The following DISP3 variants were observed in gnomAD, a reference collection of about 807,000 sequenced individuals.
DISP3 encodes protein dispatched homolog 3.
A neutral mutation model predicts 135.3 loss-of-function variants in DISP3; 101 were observed. That is an observed-to-expected ratio of 0.75 (90% CI 0.64 to 0.88). The LOEUF (loss-of-function observed/expected upper bound fraction) is 0.88. Ranked by LOEUF, DISP3 falls within the 40% of genes least tolerant of loss-of-function variation. The probability of loss-of-function intolerance (pLI) is 0.00; values close to 1 mark genes in which losing one functional copy is unlikely to be tolerated. For missense variants in DISP3, 1,713 were observed against 1,878.6 expected (o/e 0.91, Z 1.63); for synonymous variants, 856 against 817.0 (o/e 1.05, Z -0.81).
rs2100469085 is a variant in DISP3, at chr1:11,519,953, C to A, written c.2200+73C>A. 6.9e-7 allele frequency: 1 copy of A among 1,456,512 alleles called. No individual in the cohort carries two copies. The highest frequency in any genetic ancestry group is 1.4e-5 in the African/African-American group (1 of 71,498). The allele number at this position is 1,456,512 out of a possible 1,614,324, so 90.2% of individuals were successfully genotyped here. On this transcript the variant is annotated intron_variant, in intron 9 of 20. Transcript: ENST00000294484. The surrounding 1 kb of genome is among the most constrained non-coding windows in gnomAD (Gnocchi z 4.3). The stretch of plus-strand genomic sequence containing the variant: ...AAAACACACAGGAACTGGGAGCCCA[C>A]CCCCTCTCGCAGATGCCCCAGGGTC...
At chr1:11,486,967 C>T (rs1641054311) in intron 1 of DISP3, among the ~76,000 whole-genome samples, 1 of 152,166 alleles carries the variant, frequency 6.6e-6, no homozygotes, top group Admixed American at 6.5e-5. Context: ...GTGTTAGCCA[C>T]CACACCCAGC....
intron 3 of DISP3, among the ~76,000 whole-genome samples, chr1:11,513,918 T>C (rs1428241170): frequency 6.6e-6 from 1 of 151,612 alleles, no homozygotes; most frequent in Non-Finnish European, 1.5e-5. Context: ...ATGTTTGTAT[T>C]TTAAGACACA....
chr1:11,520,804 A>C lies in DISP3; in HGVS notation c.2318A>C (p.Lys773Thr). The part of the protein sequence containing the change: ...DTNIQVLLDL[K>T]YNLSAEGISC... ...AACATCCAGGTGCTGCTGGACCTCA[A>C]GTACAACCTGAGCGCCGAGGGCATC... The change falls in exon 10 of 21, where the codon AAG (lysine) becomes ACG (threonine). Residue 773 changes from lysine to threonine, a missense_variant. Transcript: ENST00000294484. The surrounding 1 kb of genome is among the most constrained non-coding windows in gnomAD (Gnocchi z 4.8). 3.1e-6 allele frequency: 5 copies of C among 1,613,172 alleles called. No individual in the cohort carries two copies. Among genetic ancestry groups the C allele is most frequent in the Non-Finnish European group, 4.2e-6 (5 of 1,179,878 alleles).
Position 11,517,338 on chromosome 1 carries a change from T to G in DISP3, c.1750-125T>G, listed in dbSNP as rs1220848802. ...GCCTGGCATTCTGGCAGCCTGGGCC[T>G]CCTCCTACTGCCTCAGTCTGGGCCA... On this transcript the variant is annotated intron_variant, in intron 6 of 20. Transcript: ENST00000294484. 66 of 1,295,354 alleles carry G rather than the reference T, an allele frequency of 5.1e-5. 2 individuals are homozygous for G. The South Asian group carries it at 8.1e-4, about 16-fold the overall frequency. The allele number at this position is 1,295,354 out of a possible 1,614,324, so 80.2% of individuals were successfully genotyped here.
chr1:11,492,047 G>A (rs1054167830), intron 1 of DISP3, among the ~76,000 whole-genome samples: 3 of 148,222 alleles, frequency 2.0e-5, no homozygotes, highest in Non-Finnish European at 4.5e-5. Context: ...GCGTGAACCC[G>A]GGAGGCGGAG....
At position 11,523,930 on chromosome 1, in the gene DISP3, G is replaced by A. The variant is rs150735726; in HGVS notation, c.2363-12G>A. 1.1e-5 allele frequency: 18 copies of A among 1,605,176 alleles called. No individual in the cohort carries two copies. The East Asian group carries it at 2.0e-4, about 18-fold the overall frequency. Reference sequence around the variant, plus strand: ...GCTGTCCTGCTGTCCTTGACATGGCGCTGGGGGGCAGGTCTGTTCCAGGAG... The same window carrying A: ...GCTGTCCTGCTGTCCTTGACATGGCACTGGGGGGCAGGTCTGTTCCAGGAG... On this transcript the variant is annotated splice_polypyrimidine_tract_variant and intron_variant, in intron 10 of 20. Coordinates refer to ENST00000294484, the MANE Select transcript of DISP3 (RefSeq NM_020780.2).
chr1:11,531,615 C>G lies in DISP3; in HGVS notation c.3280C>G (p.Leu1094Val). The change falls in exon 17 of 21, where the codon CTG becomes GTG. Residue 1094 changes from leucine (L) to valine (V), a missense_variant. Physicochemically the swap from Leu to Val is conservative, Grantham distance 32. This residue lies in a region of DISP3 where 1,142 missense variants were observed against 1,384.6 expected (regional missense o/e 0.82). Coordinates refer to ENST00000294484, the MANE Select transcript of DISP3 (RefSeq NM_020780.2). This position sits in a 1 kb window ranked among gnomAD's most constrained non-coding sequence, Gnocchi z 5.2. ...LQMLHPECKE[L>V]PEPNLLPGQL... ...GATGTTGCACCCTGAGTGCAAGGAG[C>G]TGCCCGAGCCCAACCTGCTCCCGGG... 1.1e-5 allele frequency: 18 copies of G among 1,613,550 alleles called. No individual in the cohort carries two copies. The highest frequency in any genetic ancestry group is 1.5e-5 in the Non-Finnish European group (18 of 1,179,938).
chr1:11,501,065 G>C lies in DISP3; in HGVS notation c.73G>C (p.Gly25Arg), dbSNP rs1299156741. The stretch of plus-strand genomic sequence containing the variant: ...GGAGCAGGAGGAGGAAGAAGCAACG[G>C]GTGAAACCTTTTTAGGGGCCCAGAA... ...EEEQEEEEAT[G>R]ETFLGAQKPG... Residue 25 changes from glycine to arginine, a missense_variant, in exon 2 of 21, where the codon GGT becomes CGT. Transcript: ENST00000294484. This position sits in a 1 kb window ranked among gnomAD's most constrained non-coding sequence, Gnocchi z 4.9. The C allele has an allele frequency of 6.2e-7, 1 of 1,614,140 alleles. No individual in the cohort carries two copies. Among genetic ancestry groups the C allele is most frequent in the Non-Finnish European group, 8.5e-7 (1 of 1,180,012 alleles).
intron 5 of DISP3, 95 bp from the exon 6 acceptor site, chr1:11,515,906 C>G (rs548806662): frequency 9.2e-6 from 13 of 1,418,870 alleles, no homozygotes; most frequent in Middle Eastern, 3.7e-4. Context: ...CCTGACCTCC[C>G]AGGAGGCCAC....
chr1:11,534,021 A>G (rs984691743), intron 17 of DISP3, among the ~76,000 whole-genome samples: 1 of 152,196 alleles, frequency 6.6e-6, no homozygotes, highest in East Asian at 1.9e-4. Context: ...TGGGGCATCA[A>G]GGAAGGCTTC....
chr1:11,522,922 A>AATGACCCAGCC (rs1642283731), intron 10 of DISP3, among the ~76,000 whole-genome samples: 1 of 22,628 alleles, frequency 4.4e-5, no homozygotes, highest in Non-Finnish European at 8.9e-5. Flanking sequence ...AGGACCCAGC[A>AATGACCCAGCC]AGGACCCAGC....
chr1:11,497,890 TC>T (rs1260636195), intron 1 of DISP3, among the ~76,000 whole-genome samples: 1 of 152,202 alleles, frequency 6.6e-6, no homozygotes, highest in African/African-American at 2.4e-5. Context: ...CATCGGAGAC[TC>T]CTTTTCCTTC....
rs1484186542 is a variant in DISP3 at position 11,483,585 on chromosome 1, C to T, written c.-4+4213C>T. ...CAAGTACCCTGTATTGTTTTGGTTA[C>T]TGTCATTCAATAAATATTTTCTTGT... On this transcript the variant is annotated intron_variant, in intron 1 of 20. Transcript: ENST00000294484. This position sits in a 1 kb window ranked among gnomAD's most constrained non-coding sequence, Gnocchi z 5.4. 1.3e-5 allele frequency among the ~76,000 whole-genome samples: 2 copies of T among 152,242 alleles called. No homozygotes were observed. The highest frequency in any genetic ancestry group is 2.4e-5 in the African/African-American group (1 of 41,466).
intron 1 of DISP3, among the ~76,000 whole-genome samples, chr1:11,489,715 C>T (rs1641131013): frequency 6.6e-6 from 1 of 152,188 alleles, no homozygotes; most frequent in Non-Finnish European, 1.5e-5. Context: ...GTGACTTGTT[C>T]TAGGTCACAC....
chr1:11,525,972 CTAATTT>C (rs1642404814), intron 12 of DISP3, among the ~76,000 whole-genome samples: 1 of 152,122 alleles, frequency 6.6e-6, no homozygotes, highest in Non-Finnish European at 1.5e-5. Flanking sequence ...ACCATGCCAG[CTAATTT>C]TATCTTTTAT....
chr1:11,484,439 T>C (rs1640982241), intron 1 of DISP3, among the ~76,000 whole-genome samples: 1 of 152,172 alleles, frequency 6.6e-6, no homozygotes, highest in Non-Finnish European at 1.5e-5. Context: ...TCACGCTTGC[T>C]GGCATGTGTA....
chr1:11,482,992 C>G (rs1414007405), intron 1 of DISP3, among the ~76,000 whole-genome samples: 1 of 152,230 alleles, frequency 6.6e-6, no homozygotes, highest in Non-Finnish European at 1.5e-5. Flanking sequence ...TGCTCCAACT[C>G]ACAAATATGT....
chr1:11,521,214 A>G (rs1363538462), intron 10 of DISP3, among the ~76,000 whole-genome samples: 2 of 151,092 alleles, frequency 1.3e-5, no homozygotes, highest in Non-Finnish European at 2.9e-5. Context: ...CTAGGCCACA[A>G]CTCACAAGAA....
At chr1:11,509,663 G>A (rs1227331215) in intron 3 of DISP3, among the ~76,000 whole-genome samples, 1 of 152,038 alleles carries the variant, frequency 6.6e-6, no homozygotes, top group Non-Finnish European at 1.5e-5. Context: ...TCTTTCCTCT[G>A]AAATTTACTT....
Sources: allele counts gnomAD v4.1 joint callset (sites outside exome capture counted in the v4.1 genomes callset), GRCh38; gene constraint gnomAD v4.1.1; regional missense constraint gnomAD v4.1.1; non-coding constraint Gnocchi (gnomAD v3.1); transcripts MANE v1.5; gene names NCBI Gene and HGNC (gene_info 2026-07-23, HGNC 2026-07-21).